URI1: variants seen among roughly 807,000 people sequenced by gnomAD.
The protein encoded by URI1 is unconventional prefoldin RPB5 interactor 1.
A neutral mutation model predicts 60.2 loss-of-function variants in URI1; 39 were observed. The observed-to-expected ratio is 0.65, with a 90% CI of 0.50 to 0.85. The LOEUF is 0.85. Among genes scored for constraint, URI1 ranks in the 40% least tolerant of loss-of-function variants. URI1 has a pLI of 0.00. For synonymous variants in URI1, 251 were observed against 236.8 expected (o/e 1.06, Z -0.55); for missense variants, 691 against 665.9 (o/e 1.04, Z -0.42).
chr19:29,973,339 C>G (rs2055482114), intron 2 of URI1, among the ~76,000 whole-genome samples: 1 of 152,130 alleles, frequency 6.6e-6, no homozygotes, highest in Admixed American at 6.5e-5. Flanking sequence ...AGTTCAGAGG[C>G]TGGAGCCGTT....
intron 7 of URI1, 121 bp downstream of exon 7, chr19:30,007,759 A>G (rs985434131): frequency 5.1e-6 from 4 of 784,010 alleles, no homozygotes; most frequent in East Asian, 3.0e-5. Flanking sequence ...GAAGCATAAT[A>G]TATTATCAAT....
chr19:29,989,340 T>C (rs946589586), intron 4 of URI1, among the ~76,000 whole-genome samples: 5 of 151,888 alleles, frequency 3.3e-5, no homozygotes, highest in African/African-American at 1.2e-4. Flanking sequence ...CTTGAACTCC[T>C]GACCTCAGGT....
At chr19:29,979,939 G>A (rs2055572158) in intron 2 of URI1, among the ~76,000 whole-genome samples, 1 of 152,156 alleles carries the variant, frequency 6.6e-6, no homozygotes, top group East Asian at 1.9e-4. Flanking sequence ...TTTTCCATGA[G>A]GAGTGTTCCT....
intron 1 of URI1, among the ~76,000 whole-genome samples, chr19:29,954,485 T>C (rs939049530): frequency 6.6e-6 from 1 of 151,552 alleles, no homozygotes; most frequent in Non-Finnish European, 1.5e-5. Flanking sequence ...TTCCCATTCC[T>C]GCTCTTACTT....
At position 30,005,452 on chromosome 19, in the gene URI1, TGTGA is replaced by T. The variant is rs776824576; in HGVS notation, c.459+3_459+6del. ...CAGAAGATTTGCAGAAAATGAGCGA[TGTGA>T]GTATTTGTTTTTAGTCTTCTATATT... On this transcript the variant is annotated splice_donor_variant and splice_donor_region_variant and intron_variant, in intron 5 of 10. Coordinates refer to ENST00000392271, the MANE Select transcript of URI1 (RefSeq NM_003796.3). LOFTEE classifies it high-confidence loss of function. 278 of 1,586,280 alleles carry T rather than the reference TGTGA, an allele frequency of 1.8e-4. No individual in the cohort carries two copies. The highest frequency in any genetic ancestry group is 2.0e-4 in the Non-Finnish European group (238 of 1,169,476).
At position 30,016,443 on chromosome 19, in the gene URI1, C is replaced by T. The variant is rs1378565232; in HGVS notation, c.*1374C>T. The T allele has an allele frequency of 6.6e-6, 1 of 152,092 alleles. No homozygotes were observed. The highest frequency in any genetic ancestry group is 1.9e-4 in the East Asian group (1 of 5,204). The allele number at this position is 152,092 out of a possible 1,614,324, so 9.4% of individuals were successfully genotyped here. On this transcript the variant is annotated 3_prime_UTR_variant, in exon 11 of 11. Transcript: ENST00000392271. ...GCCCCAACCCTCACCAAAACCAAAG[C>T]AGAAATTACACACACAAAGATGCTC...
At chr19:29,956,905 C>G in intron 1 of URI1, 1 of 1,205,146 alleles carries the variant, frequency 8.3e-7, no homozygotes, top group South Asian at 1.2e-5. Flanking sequence ...CTCTGGGGCC[C>G]TTTATGATAA....
Position 30,009,256 on chromosome 19 carries a change from T to A in URI1, c.938T>A (p.Ile313Asn), listed in dbSNP as rs1337508378. ...DDDDDDDDDN[I>N]DDDDGDNDHE... is the part of the protein sequence containing the mutation. ...GATGATGACGACGACGACGACAACATTGACGACGATGATGGTGATAACGAC... is the reference window on the plus strand; with the variant it reads ...GATGATGACGACGACGACGACAACAATGACGACGATGATGGTGATAACGAC... Residue 313 changes from isoleucine to asparagine, a missense_variant, in exon 8 of 11, where the codon ATT (isoleucine) becomes AAT (asparagine). Transcript: ENST00000392271. The A allele has an allele frequency of 9.3e-6, 15 of 1,613,714 alleles. No individual in the cohort carries two copies. The highest frequency in any genetic ancestry group is 1.3e-5 in the Non-Finnish European group (15 of 1,179,854).
At chr19:29,950,975 A>G (rs921382495) in intron 1 of URI1, among the ~76,000 whole-genome samples, 2 of 152,226 alleles carry the variant, frequency 1.3e-5, no homozygotes, top group African/African-American at 4.8e-5. Context: ...TGGCAAGAAT[A>G]CTACGTAGAT....
intron 1 of URI1, among the ~76,000 whole-genome samples, chr19:29,934,917 C>T (rs1482907148): frequency 6.6e-6 from 1 of 152,142 alleles, no homozygotes; most frequent in Non-Finnish European, 1.5e-5. Context: ...CAAAGTAAGT[C>T]TCTTGCAGAC....
intron 1 of URI1, among the ~76,000 whole-genome samples, chr19:29,953,396 A>G (rs2055203899): frequency 6.6e-6 from 1 of 152,208 alleles, no homozygotes. Flanking sequence ...CAAGAGTGCT[A>G]CTAGCTCTTT....
chr19:29,927,556 C>T (rs1009883209), intron 1 of URI1, among the ~76,000 whole-genome samples: 1 of 111,898 alleles, frequency 8.9e-6, no homozygotes, highest in African/African-American at 4.4e-5. Context: ...GCCACTGCAC[C>T]CGGCTTTTTT....
At chr19:29,938,048 G>A (rs2054988783), upstream of URI1, 4 of 152,098 alleles carry the variant, frequency 2.6e-5, 1 homozygote, top group Admixed American at 2.6e-4. Flanking sequence ...GTAGAGATGG[G>A]GTTTCACCAT....
intron 1 of URI1, among the ~76,000 whole-genome samples, chr19:29,947,777 T>G (rs1172642685): frequency 1.3e-5 from 2 of 152,264 alleles, no homozygotes; most frequent in Non-Finnish European, 2.9e-5. Flanking sequence ...GTCTGTCCTT[T>G]GATCAACAGA....
chr19:29,949,618 A>C (rs557343870), intron 1 of URI1, among the ~76,000 whole-genome samples: 6 of 152,228 alleles, frequency 3.9e-5, no homozygotes, highest in Non-Finnish European at 8.8e-5. Context: ...AGCCTGGGCA[A>C]CATTGAGCAC....
chr19:29,965,311 A>C (rs1017035315), intron 1 of URI1, among the ~76,000 whole-genome samples: 1 of 152,190 alleles, frequency 6.6e-6, no homozygotes, highest in African/African-American at 2.4e-5. Context: ...GGAGAAGGGC[A>C]GGGTTTCTAC....
At chr19:29,931,326 T>C (rs2054915505) in intron 1 of URI1, among the ~76,000 whole-genome samples, 1 of 152,186 alleles carries the variant, frequency 6.6e-6, no homozygotes, top group African/African-American at 2.4e-5. Context: ...GGATCCATGA[T>C]GAAGGTGTTG....
chr19:30,002,870 T>C (rs916950118), intron 4 of URI1, among the ~76,000 whole-genome samples: 6 of 152,004 alleles, frequency 3.9e-5, no homozygotes, highest in African/African-American at 1.2e-4. Flanking sequence ...TCAGTAGTGT[T>C]ATTTGCTATA....
chr19:29,939,570 G>A (rs1346287031), upstream of URI1, among the ~76,000 whole-genome samples: 3 of 152,006 alleles, frequency 2.0e-5, no homozygotes, highest in South Asian at 2.1e-4. Flanking sequence ...CACTGCGCCC[G>A]GCCAAAGCTG....
Sources: gnomAD v4.1 joint callset for allele counts (sites outside exome capture counted in the v4.1 genomes callset) on GRCh38, gnomAD v4.1.1 for gene constraint, MANE v1.5 for transcripts, NCBI Gene and HGNC (gene_info 2026-07-23, HGNC 2026-07-21) for gene names.